Variants in ICAM5 observed in about 807,000 individuals in gnomAD.
The protein encoded by ICAM5 is ICAM-5.
A neutral mutation model predicts 78.8 loss-of-function variants in ICAM5; 38 were observed. The observed-to-expected ratio is 0.48, with a 90% CI of 0.37 to 0.63. The LOEUF is 0.63. Ranked by LOEUF, ICAM5 falls within the 30% of genes least tolerant of loss-of-function variation. The pLI is 0.00. For synonymous variants in ICAM5, 544 were observed against 590.9 expected, an observed-to-expected ratio of 0.92 and a Z score of 1.15; for missense variants, 1,059 against 1,303.0, an observed-to-expected ratio of 0.81 and a Z score of 2.88.
chr19:10,296,202 T>G, intron 10 of ICAM5, 137 bp from the exon 11 acceptor site: 1 of 841,192 alleles, frequency 1.2e-6, no homozygotes, highest in Non-Finnish European at 1.6e-6. Context: ...ATTGCATGGG[T>G]TGTCTCCCTT....
At position 10,294,703 on chromosome 19, in the gene ICAM5, G is replaced by A. The variant is rs2040206780; in HGVS notation, c.2230+63G>A. 1.2e-6 allele frequency: 2 copies of A among 1,604,798 alleles called. No individual in the cohort carries two copies. Among genetic ancestry groups the A allele is most frequent in the Admixed American group, 1.7e-5 (1 of 57,196 alleles). Reference sequence around the variant, plus strand: ...CTCGGAAGAATGACTCGCAGCGGTGGGAGCATTCAAGGGCACCTCTCCCAA... The same window carrying A: ...CTCGGAAGAATGACTCGCAGCGGTGAGAGCATTCAAGGGCACCTCTCCCAA... On this transcript the variant is annotated intron_variant, in intron 9 of 10. Coordinates refer to ENST00000221980, the MANE Select transcript of ICAM5 (RefSeq NM_003259.4). This position sits in a 1 kb window ranked among gnomAD's most constrained non-coding sequence, Gnocchi z 7.7.
Position 10,290,343 on chromosome 19 carries a change from A to G in ICAM5, c.82+218A>G, listed in dbSNP as rs2040161114. The G allele has an allele frequency of 4.1e-6, 2 of 488,152 alleles. No individual in the cohort carries two copies. Among genetic ancestry groups the G allele is most frequent in the Admixed American group, 3.7e-5 (1 of 26,728 alleles). 30.2% of individuals were successfully genotyped at this position (488,152 alleles called of 1,614,324 possible). On this transcript the variant is annotated intron_variant, in intron 1 of 10. Transcript: ENST00000221980. The surrounding 1 kb of genome is among the most constrained non-coding windows in gnomAD (Gnocchi z 5.7). ...TAGCCCCTACCCGCTTCGAGATCCT[A>G]GGTGTTCTTCCGCACCCAACCCTTC...
Position 10,291,752 on chromosome 19 carries a change from C to T in ICAM5, c.616C>T (p.Pro206Ser). Residue 206 changes from proline (P) to serine (S), a missense_variant, in exon 3 of 11, where the codon CCG (proline) becomes TCG (serine). This residue lies in a region of ICAM5 where 815 missense variants were observed against 952.8 expected (regional missense o/e 0.86). Coordinates refer to ENST00000221980, the MANE Select transcript of ICAM5 (RefSeq NM_003259.4). ...GTGTCGCGCCGAGCTGGACCTGCGGCCGCACGGACTGGGACTGTTTGAAAA... is the reference window on the plus strand; with the variant it reads ...GTGTCGCGCCGAGCTGGACCTGCGGTCGCACGGACTGGGACTGTTTGAAAA... Reference protein sequence around the residue: ...FSCRAELDLRPHGLGLFENSS... With the variant: ...FSCRAELDLRSHGLGLFENSS... 1 of 1,612,854 alleles carries T rather than the reference C, an allele frequency of 6.2e-7. No homozygotes were observed. Among genetic ancestry groups the T allele is most frequent in the African/African-American group, 1.3e-5 (1 of 75,032 alleles).
rs930347695 is a variant in ICAM5, at chr19:10,290,181, T to C, written c.82+56T>C. ...AGGGCGGGGGCGGAGTCCCTGGACC[T>C]GAGAAACGGCCTCCTGTCCCTCCCA... On this transcript the variant is annotated intron_variant, in intron 1 of 10. Coordinates refer to ENST00000221980, the MANE Select transcript of ICAM5 (RefSeq NM_003259.4). The surrounding 1 kb of genome is among the most constrained non-coding windows in gnomAD (Gnocchi z 5.7). 7.6e-7 allele frequency: 1 copy of C among 1,310,626 alleles called. No homozygotes were observed. Among genetic ancestry groups the C allele is most frequent in the African/African-American group, 1.5e-5 (1 of 65,178 alleles). The allele number at this position is 1,310,626 out of a possible 1,614,324, so 81.2% of individuals were successfully genotyped here.
chr19:10,290,047 C>A lies in ICAM5; in HGVS notation c.4C>A (p.Pro2Thr). The change falls in exon 1 of 11, where the codon CCA becomes ACA. Residue 2 changes from proline to threonine, a missense_variant. By Grantham distance (38) the Pro-to-Thr change is conservative. Transcript: ENST00000221980. This position sits in a 1 kb window ranked among gnomAD's most constrained non-coding sequence, Gnocchi z 5.7. ...CTGTGCTTTCCCCGCCGCGGCGATGCCAGGGCCTTCGCCAGGGCTGCGCCG... is the reference window on the plus strand; with the variant it reads ...CTGTGCTTTCCCCGCCGCGGCGATGACAGGGCCTTCGCCAGGGCTGCGCCG... M[P>T]GPSPGLRRAL... The A allele has an allele frequency of 1.9e-6, 3 of 1,540,502 alleles. No homozygotes were observed. Among genetic ancestry groups the A allele is most frequent in the Non-Finnish European group, 2.6e-6 (3 of 1,145,176 alleles).
Position 10,290,214 on chromosome 19 carries a change from C to G in ICAM5, c.82+89C>G. ...GGCCTCCTGTCCCTCCCAGCTCTGC[C>G]CTCGCCTCGCTCCCACGCCTCTGCC... is the stretch of plus-strand genomic sequence containing the variant. On this transcript the variant is annotated intron_variant, in intron 1 of 10. Transcript: ENST00000221980. This position sits in a 1 kb window ranked among gnomAD's most constrained non-coding sequence, Gnocchi z 5.7. The G allele has an allele frequency of 1.0e-6, 1 of 986,930 alleles. No individual in the cohort carries two copies. Among genetic ancestry groups the G allele is most frequent in the Non-Finnish European group, 1.4e-6 (1 of 696,874 alleles). The allele number at this position is 986,930 out of a possible 1,614,324, so 61.1% of individuals were successfully genotyped here.
In ICAM5 at chr19:10,290,391, C is replaced by T; in HGVS notation, c.82+266C>T. ...TTCGCCCTGGAGACCCAGTGTCTCT[C>T]CTGTCCGCTCCCCGGGTACCTCCTT... is the stretch of plus-strand genomic sequence containing the variant. On this transcript the variant is annotated intron_variant, in intron 1 of 10. Transcript: ENST00000221980. The surrounding 1 kb of genome is among the most constrained non-coding windows in gnomAD (Gnocchi z 5.7). The T allele has an allele frequency of 2.3e-6, 1 of 436,348 alleles. No individual in the cohort carries two copies. The highest frequency in any genetic ancestry group is 4.1e-5 in the South Asian group (1 of 24,306). The allele number at this position is 436,348 out of a possible 1,614,324, so 27.0% of individuals were successfully genotyped here. A position where few individuals can be genotyped will look rare whatever the true frequency, so the allele number is the denominator to read the frequency against.
At chr19:10,291,983 A>G in intron 3 of ICAM5, 52 bp from the exon 4 acceptor site, 1 of 1,574,054 alleles carries the variant, frequency 6.4e-7, no homozygotes, top group Non-Finnish European at 8.7e-7. Context: ...TCAAGTGCTT[A>G]GGACATATTG....
Position 10,290,449 on chromosome 19 carries a change from G to A in ICAM5, c.82+324G>A. 1 of 301,858 alleles carries A rather than the reference G, an allele frequency of 3.3e-6. No homozygotes were observed. The highest frequency in any genetic ancestry group is 6.1e-6 in the Non-Finnish European group (1 of 163,048). The allele number at this position is 301,858 out of a possible 1,614,324, so 18.7% of individuals were successfully genotyped here. A position where few individuals can be genotyped will look rare whatever the true frequency, so the allele number is the denominator to read the frequency against. ...GCTGTGCACCATGGTCCACGGACTG[G>A]CATCTTCCCCACTCGCGGTCCGCGA... On this transcript the variant is annotated intron_variant, in intron 1 of 10. Coordinates refer to ENST00000221980, the MANE Select transcript of ICAM5 (RefSeq NM_003259.4). This position sits in a 1 kb window ranked among gnomAD's most constrained non-coding sequence, Gnocchi z 5.7.
rs2145031254 is a variant in ICAM5 at position 10,294,790 on chromosome 19, G to T, written c.2230+150G>T. 5.7e-6 allele frequency: 7 copies of T among 1,219,160 alleles called. No individual in the cohort carries two copies. Among genetic ancestry groups the T allele is most frequent in the Non-Finnish European group, 7.9e-6 (7 of 882,880 alleles). The allele number at this position is 1,219,160 out of a possible 1,614,324, so 75.5% of individuals were successfully genotyped here. On this transcript the variant is annotated intron_variant, in intron 9 of 10. Coordinates refer to ENST00000221980, the MANE Select transcript of ICAM5 (RefSeq NM_003259.4). The surrounding 1 kb of genome is among the most constrained non-coding windows in gnomAD (Gnocchi z 7.7). ...AGGGGGTAATGAAAATTCTAGCCAG[G>T]CGCAGTGGCTCAGGTCTGTAATCCC...
Position 10,292,280 on chromosome 19 carries a change from G to A in ICAM5, c.919G>A (p.Gly307Arg). The A allele has an allele frequency of 6.2e-7, 1 of 1,611,930 alleles. No individual in the cohort carries two copies. ...ARQLVCNVTL[G>R]GENRETRENV... The stretch of plus-strand genomic sequence containing the variant: ...GCAGCTGGTCTGCAACGTCACCCTG[G>A]GGGGCGAAAACCGGGAGACCCGGGA... Residue 307 changes from glycine (G) to arginine (R), a missense_variant, in exon 4 of 11, where the codon GGG becomes AGG. Physicochemically the swap from Gly to Arg is moderately radical, Grantham distance 125. This residue lies in a region of ICAM5 where 815 missense variants were observed against 952.8 expected (regional missense o/e 0.86). Transcript: ENST00000221980.
At position 10,290,116 on chromosome 19, in the gene ICAM5, G is replaced by A. The variant is rs766456168; in HGVS notation, c.73G>A (p.Gly25Ser). ...LWAALGLGLF[G>S]LSAVSQEPFW... ...GGCTGCTCTGGGCCTGGGGCTCTTC[G>A]GCCTCTCAGGTAAGAGCCCCGCTCT... The change falls in exon 1 of 11, where the codon GGC becomes AGC. Residue 25 changes from glycine to serine, a missense_variant. Gly to Ser is a moderately conservative substitution (Grantham distance 56, BLOSUM62 0). This residue lies in a region of ICAM5 where 815 missense variants were observed against 952.8 expected (regional missense o/e 0.86). Coordinates refer to ENST00000221980, the MANE Select transcript of ICAM5 (RefSeq NM_003259.4). The surrounding 1 kb of genome is among the most constrained non-coding windows in gnomAD (Gnocchi z 5.7). 5 of 1,530,296 alleles carry A rather than the reference G, an allele frequency of 3.3e-6. No individual in the cohort carries two copies. The highest frequency in any genetic ancestry group is 4.4e-6 in the Non-Finnish European group (5 of 1,137,322). 94.8% of individuals were successfully genotyped at this position (1,530,296 alleles called of 1,614,324 possible). A position where few individuals can be genotyped will look rare whatever the true frequency, so the allele number is the denominator to read the frequency against.
chr19:10,295,295 A>C, intron 9 of ICAM5, 51 bp from the exon 10 acceptor site: 1 of 1,466,932 alleles, frequency 6.8e-7, no homozygotes, highest in Non-Finnish European at 9.0e-7. Flanking sequence ...AGGGCATTTG[A>C]TCAGTGGCTG....
In ICAM5 at chr19:10,293,642, A is replaced by T; in HGVS notation, c.1466-56A>T. ...AGCCTTGCCGCGCCAAGGAGGGTCT[A>T]GGGACGTCAGATTTGCCCCCAAACC... On this transcript the variant is annotated intron_variant, in intron 6 of 10. Transcript: ENST00000221980. The surrounding 1 kb of genome is among the most constrained non-coding windows in gnomAD (Gnocchi z 5.0). 1 of 1,590,520 alleles carries T rather than the reference A, an allele frequency of 6.3e-7. No individual in the cohort carries two copies. Among genetic ancestry groups the T allele is most frequent in the Non-Finnish European group, 8.6e-7 (1 of 1,166,436 alleles).
chr19:10,290,931 G>C lies in ICAM5; in HGVS notation c.83-141G>C, dbSNP rs2075742. The C allele has an allele frequency of 0.37, 422,915 of 1,129,606 alleles. 82,893 individuals carry two copies. Among genetic ancestry groups the C allele is most frequent in the Admixed American group, 0.5 (18,122 of 36,162 alleles). The allele number at this position is 1,129,606 out of a possible 1,614,324, so 70.0% of individuals were successfully genotyped here. A position where few individuals can be genotyped will look rare whatever the true frequency, so the allele number is the denominator to read the frequency against. On this transcript the variant is annotated intron_variant, in intron 1 of 10. Transcript: ENST00000221980. The surrounding 1 kb of genome is among the most constrained non-coding windows in gnomAD (Gnocchi z 5.7). ...CGCCTTTAAACCGGAGGCCTGGGCA[G>C]GACGCGGGACGCCTGGGTTCTTTCC...
In ICAM5 at chr19:10,291,819, T is replaced by C; in HGVS notation, c.673+10T>C. 6.2e-7 allele frequency: 1 copy of C among 1,603,982 alleles called. No homozygotes were observed. ...GAGCTCCGAACCTTCTGTGAGTGGG[T>C]GTGGGGAGGAGATGGGGACCCAGTG... On this transcript the variant is annotated intron_variant, in intron 3 of 10. Transcript: ENST00000221980.
chr19:10,294,287 C>G lies in ICAM5; in HGVS notation c.1959C>G (p.Ser653=), dbSNP rs371469473. The G allele has an allele frequency of 1.5e-5, 25 of 1,613,274 alleles. No individual in the cohort carries two copies. The highest frequency in any genetic ancestry group is 2.7e-5 in the African/African-American group (2 of 74,882). The change falls in exon 8 of 11, where the codon TCC becomes TCG. Residue 653 remains serine, a synonymous_variant. Transcript: ENST00000221980. This position sits in a 1 kb window ranked among gnomAD's most constrained non-coding sequence, Gnocchi z 7.7. Reference sequence around the variant, plus strand: ...GCAACGCCACCAACCGCCACGGCTCCGTGGCCAAAACAGTCGTCGTGAGCG... The same window carrying G: ...GCAACGCCACCAACCGCCACGGCTCGGTGGCCAAAACAGTCGTCGTGAGCG... ...YVCNATNRHG[S]VAKTVVVSAE...
rs1328821718 is a variant in ICAM5 at position 10,296,452 on chromosome 19, A to G, written c.2611A>G (p.Asn871Asp). ...CACCGCCTGCAAGAAGGGCGAGTAC[A>G]ACGTGCAGGAGGCCGAGAGCTCAGG... ...QSTACKKGEY[N>D]VQEAESSGEA... The change falls in exon 11 of 11, where the codon AAC becomes GAC. Residue 871 changes from asparagine to aspartate, a missense_variant. Physicochemically the swap from Asn to Asp is conservative, Grantham distance 23 (BLOSUM62 1). This residue lies in a region of ICAM5 where 109 missense variants were observed against 120.0 expected (regional missense o/e 0.91). Coordinates refer to ENST00000221980, the MANE Select transcript of ICAM5 (RefSeq NM_003259.4). 1.5e-6 allele frequency: 2 copies of G among 1,329,292 alleles called. No homozygotes were observed. The highest frequency in any genetic ancestry group is 1.5e-5 in the African/African-American group (1 of 64,788). 82.3% of individuals were successfully genotyped at this position (1,329,292 alleles called of 1,614,324 possible).
At chr19:10,295,766 G>A (rs2040215465) in intron 10 of ICAM5, among the ~76,000 whole-genome samples, 154 bp downstream of exon 10, 1 of 152,228 alleles carries the variant, frequency 6.6e-6, no homozygotes, top group South Asian at 2.1e-4. Flanking sequence ...AGCGGGTGGG[G>A]CTGTTGATCG....
Sources: allele counts gnomAD v4.1 joint callset (sites outside exome capture counted in the v4.1 genomes callset), GRCh38; gene constraint gnomAD v4.1.1; regional missense constraint gnomAD v4.1.1; non-coding constraint Gnocchi (gnomAD v3.1); transcripts MANE v1.5; gene names NCBI Gene and HGNC (gene_info 2026-07-23, HGNC 2026-07-21).